Variants in ADAMTSL3 observed in about 807,000 individuals in gnomAD.
The protein encoded by ADAMTSL3 is ADAMTS like 3.
ADAMTSL3 carries 128 observed loss-of-function variants against 201.7 expected under a neutral mutation model. The ratio of observed to expected loss-of-function variants is 0.63; its 90% CI spans 0.55 to 0.73. ADAMTSL3 has a LOEUF of 0.73. Among genes scored for constraint, ADAMTSL3 ranks in the 30% least tolerant of loss-of-function variants. ADAMTSL3 has a pLI of 0.00. For synonymous variants in ADAMTSL3, 738 were observed against 748.4 expected (o/e 0.99, Z 0.23); for missense variants, 1,990 against 2,119.6 (o/e 0.94, Z 1.20).
chr15:83,711,713 G>C (rs564867923), intron 3 of ADAMTSL3, among the ~76,000 whole-genome samples: 10 of 152,244 alleles, frequency 6.6e-5, no homozygotes, highest in Non-Finnish European at 1.5e-4. Flanking sequence ...TGTACATGCT[G>C]TTCTGATTGA....
chr15:83,915,221 G>A (rs571863945), intron 16 of ADAMTSL3, among the ~76,000 whole-genome samples: 2 of 152,236 alleles, frequency 1.3e-5, no homozygotes, highest in South Asian at 4.1e-4. Flanking sequence ...AGGTGCTGTT[G>A]GTAGAATCCC....
rs1370377755 is a variant in ADAMTSL3 at position 83,688,771 on chromosome 15, C to CACACACACACACACACACAT, written c.70-15607_70-15606insCACACACATACACACACACA. 4.6e-5 allele frequency among the ~76,000 whole-genome samples: 7 copies of CACACACACACACACACACAT among 151,686 alleles called. No individual in the cohort carries two copies. In the South Asian group the frequency reaches 1.3e-3, roughly 27 times the overall value. ...GCATATATATACACACACACACACACACACACACACATACACACACACACA... is the reference window on the plus strand; with the variant it reads ...GCATATATATACACACACACACACACACACACACACACACACACATACACACACACATACACACACACACA... On this transcript the variant is annotated intron_variant, in intron 2 of 29. Coordinates refer to ENST00000286744, the MANE Select transcript of ADAMTSL3 (RefSeq NM_207517.3).
chr15:83,688,511 C>G (rs1186802898), intron 2 of ADAMTSL3, among the ~76,000 whole-genome samples: 1 of 143,308 alleles, frequency 7.0e-6, no homozygotes, highest in Non-Finnish European at 1.6e-5. Context: ...TGATTGATAA[C>G]AGACTCTTTT....
chr15:83,842,559 C>G (rs56235360), intron 7 of ADAMTSL3, among the ~76,000 whole-genome samples: 2,867 of 152,246 alleles, frequency 0.019, 85 homozygotes, highest in African/African-American at 0.063. Flanking sequence ...TTGCCCCTTT[C>G]AATACCTCTT....
intron 5 of ADAMTSL3, among the ~76,000 whole-genome samples, chr15:83,814,706 G>A (rs2063746784): frequency 6.6e-6 from 1 of 152,148 alleles, no homozygotes; most frequent in Admixed American, 6.5e-5. Context: ...TGGATATGAA[G>A]TTAAAATAAA....
intron 19 of ADAMTSL3, among the ~76,000 whole-genome samples, chr15:83,956,727 G>C (rs987132186): frequency 4.0e-5 from 6 of 151,786 alleles, no homozygotes; most frequent in African/African-American, 1.5e-4. Context: ...TTATTTTCCT[G>C]ACCCAAAGTA....
intron 3 of ADAMTSL3, among the ~76,000 whole-genome samples, chr15:83,751,517 T>C (rs955139279): frequency 2.6e-5 from 4 of 152,142 alleles, no homozygotes; most frequent in African/African-American, 4.8e-5. Flanking sequence ...ACACCAAATA[T>C]AAATCTGTGG....
At chr15:83,697,844 T>C (rs1052176445) in intron 2 of ADAMTSL3, among the ~76,000 whole-genome samples, 10 of 152,184 alleles carry the variant, frequency 6.6e-5, no homozygotes, top group African/African-American at 2.4e-4. Flanking sequence ...TCACCAGAGG[T>C]TGGGGGTGAG....
chr15:84,004,617 A>C (rs1465624957), intron 23 of ADAMTSL3, among the ~76,000 whole-genome samples: 3 of 152,122 alleles, frequency 2.0e-5, no homozygotes, highest in Admixed American at 2.0e-4. Context: ...GGTAACTGGG[A>C]GTGAACTAAA....
At chr15:84,024,669 C>T (rs2068269107) in intron 26 of ADAMTSL3, among the ~76,000 whole-genome samples, 2 of 152,334 alleles carry the variant, frequency 1.3e-5, no homozygotes, top group Non-Finnish European at 2.9e-5. Context: ...GCTCCAAGTT[C>T]AGTCTCCTAT....
intron 19 of ADAMTSL3, among the ~76,000 whole-genome samples, chr15:83,957,053 G>A (rs530521685): frequency 2.0e-5 from 3 of 152,294 alleles, no homozygotes; most frequent in South Asian, 2.1e-4. Context: ...ACAGAGCTAC[G>A]TGAAAATTGA....
intron 2 of ADAMTSL3, among the ~76,000 whole-genome samples, chr15:83,670,444 A>G (rs1456459578): frequency 6.6e-6 from 1 of 152,066 alleles, no homozygotes; most frequent in Admixed American, 6.6e-5. Context: ...GTGTTATTTA[A>G]ATTTTTTGAC....
At chr15:83,698,971 T>A (rs1204027239) in intron 2 of ADAMTSL3, among the ~76,000 whole-genome samples, 3 of 151,974 alleles carry the variant, frequency 2.0e-5, no homozygotes, top group African/African-American at 7.2e-5. Flanking sequence ...TCATTTTTAG[T>A]CTCTTCTGCT....
chr15:83,935,547 C>T (rs201660469), intron 17 of ADAMTSL3, among the ~76,000 whole-genome samples: 2 of 151,554 alleles, frequency 1.3e-5, no homozygotes, highest in African/African-American at 2.4e-5. Context: ...AAATCCCAAA[C>T]GGGAAAAAAA....
In ADAMTSL3 at chr15:83,982,928, A is replaced by G; in HGVS notation, c.3300A>G (p.Ile1100Met). 6.2e-7 allele frequency: 1 copy of G among 1,614,162 alleles called. No homozygotes were observed. The stretch of plus-strand genomic sequence containing the variant: ...ATACAGCCCAGTTTGATGAGCTGAT[A>G]AGAAACATGAGTCAGCTCATGGAAA... ...SMDTAQFDEL[I>M]RNMSQLMETG... The change falls in exon 21 of 30, where the codon ATA becomes ATG. Residue 1100 changes from isoleucine (I) to methionine (M), a missense_variant. Physicochemically the swap from Ile to Met is conservative, Grantham distance 10 (BLOSUM62 1). Transcript: ENST00000286744.
chr15:83,884,473 C>G (rs1386034639), intron 9 of ADAMTSL3, among the ~76,000 whole-genome samples: 1 of 149,184 alleles, frequency 6.7e-6, no homozygotes, highest in Non-Finnish European at 1.5e-5. Context: ...TGGGGTTTCA[C>G]CATGTTGGCA....
At chr15:83,821,751 T>G (rs1218557242) in intron 6 of ADAMTSL3, among the ~76,000 whole-genome samples, 50 of 152,218 alleles carry the variant, frequency 3.3e-4, no homozygotes, top group Non-Finnish European at 4.1e-4. Flanking sequence ...CTCAATGAGC[T>G]GTTGGGTACA....
chr15:83,977,051 T>C (rs1488232023), intron 20 of ADAMTSL3, among the ~76,000 whole-genome samples: 8 of 152,074 alleles, frequency 5.3e-5, no homozygotes, highest in Non-Finnish European at 8.8e-5. Context: ...AGCTGCACAA[T>C]AGGAGGTGAG....
At chr15:83,808,224 T>C (rs1282009580) in intron 5 of ADAMTSL3, among the ~76,000 whole-genome samples, 4 of 152,078 alleles carry the variant, frequency 2.6e-5, no homozygotes, top group African/African-American at 9.7e-5. Flanking sequence ...ATTTGCAAAC[T>C]AGACAGCTGG....
Sources: gnomAD v4.1 joint callset for allele counts (sites outside exome capture counted in the v4.1 genomes callset) on GRCh38, gnomAD v4.1.1 for gene constraint, MANE v1.5 for transcripts, NCBI Gene and HGNC (gene_info 2026-07-23, HGNC 2026-07-21) for gene names.